Variants in LDB2 observed in about 807,000 individuals in gnomAD.
The protein encoded by LDB2 is LIM domain binding 2.
A neutral mutation model predicts 44.3 loss-of-function variants in LDB2; 12 were observed. The observed-to-expected ratio is 0.27, with a 90% CI of 0.17 to 0.44. The LOEUF is 0.44. LDB2 is among the 20% of genes least tolerant of loss of function. LDB2 has a pLI of 1.00. For missense variants in LDB2, 344 were observed against 473.5 expected, an observed-to-expected ratio of 0.73 and a Z score of 2.54; for synonymous variants, 164 against 174.8, an observed-to-expected ratio of 0.94 and a Z score of 0.49.
chr4:16,562,987 G>A lies in LDB2; in HGVS notation c.615+22935C>T, dbSNP rs1244538571. Among the ~76,000 whole-genome samples, 6 of 151,584 alleles carry A rather than the reference G, an allele frequency of 4.0e-5. No homozygotes were observed. In the East Asian group the frequency reaches 1.2e-3, roughly 30 times the overall value. On this transcript the variant is annotated intron_variant, in intron 5 of 7. Transcript: ENST00000304523. ...AAGGACAAAAAACCAAACACCGCAT[G>A]TTCTCACTCATAGGTGGGAATTGAA...
intron 2 of LDB2, among the ~76,000 whole-genome samples, chr4:16,687,501 G>T (rs1749552260): frequency 6.6e-6 from 1 of 152,116 alleles, no homozygotes; most frequent in Non-Finnish European, 1.5e-5. Flanking sequence ...TGTCGTTTAA[G>T]CCACCCAGTC....
At chr4:16,647,614 G>T (rs992222) in intron 2 of LDB2, among the ~76,000 whole-genome samples, 151,138 of 152,256 alleles carry the variant, frequency 0.99, 75,023 homozygotes, top group Middle Eastern at 1. Flanking sequence ...ACCCTACTTT[G>T]CCCCTCCTGA....
intron 1 of LDB2, among the ~76,000 whole-genome samples, chr4:16,891,028 G>A (rs1458099273): frequency 1.3e-5 from 2 of 152,126 alleles, no homozygotes; most frequent in Middle Eastern, 3.4e-3. Context: ...TACCTGAAAA[G>A]GGAGCCAATA....
intron 5 of LDB2, among the ~76,000 whole-genome samples, chr4:16,513,371 C>T (rs1206453993): frequency 6.6e-6 from 1 of 152,156 alleles, no homozygotes; most frequent in Non-Finnish European, 1.5e-5. Context: ...TCCATAGCAC[C>T]CAGCTCCTTC....
chr4:16,543,433 T>C (rs1477390520), intron 5 of LDB2, among the ~76,000 whole-genome samples: 1 of 152,248 alleles, frequency 6.6e-6, no homozygotes. Flanking sequence ...CTCCAGCACC[T>C]GTTGTTTCCT....
chr4:16,898,604 GAGGCAGGCAGGC>G lies in LDB2; in HGVS notation c.-131_-120del. 1 of 928,008 alleles carries G rather than the reference GAGGCAGGCAGGC, an allele frequency of 1.1e-6. No homozygotes were observed. The highest frequency in any genetic ancestry group is 1.5e-6 in the Non-Finnish European group (1 of 645,166). The allele number at this position is 928,008 out of a possible 1,614,324, so 57.5% of individuals were successfully genotyped here. A position where few individuals can be genotyped will look rare whatever the true frequency, so the allele number is the denominator to read the frequency against. ...ACGCACACACGCTCACACACACACA[GAGGCAGGCAGGC>G]AGGCAGGCTGAACACGCTGGCTGGG... On this transcript the variant is annotated 5_prime_UTR_variant, in exon 1 of 8. Coordinates refer to ENST00000304523, the MANE Select transcript of LDB2 (RefSeq NM_001290.5).
At chr4:16,723,235 T>G (rs1338368942) in intron 2 of LDB2, among the ~76,000 whole-genome samples, 1 of 152,124 alleles carries the variant, frequency 6.6e-6, no homozygotes, top group East Asian at 1.9e-4. Flanking sequence ...ACAGACTGGG[T>G]AATTAATAAA....
intron 2 of LDB2, among the ~76,000 whole-genome samples, chr4:16,735,903 T>C (rs1462823900): frequency 6.6e-6 from 1 of 152,184 alleles, no homozygotes; most frequent in African/African-American, 2.4e-5. Context: ...CAATGCAATG[T>C]GGTACCCTGG....
chr4:16,714,910 G>A (rs1756745938), intron 2 of LDB2, among the ~76,000 whole-genome samples: 1 of 152,056 alleles, frequency 6.6e-6, no homozygotes, highest in South Asian at 2.1e-4. Context: ...ATTTAGGACC[G>A]CCTTAAATCC....
chr4:16,508,378 C>G (rs1244166774), intron 7 of LDB2, among the ~76,000 whole-genome samples, 157 bp downstream of exon 7: 3 of 152,118 alleles, frequency 2.0e-5, no homozygotes, highest in African/African-American at 7.2e-5. Flanking sequence ...GTTCCTCCCT[C>G]CCATCCCAAC....
At chr4:16,758,738 A>C (rs1561126667) in intron 2 of LDB2, among the ~76,000 whole-genome samples, 1 of 152,240 alleles carries the variant, frequency 6.6e-6, no homozygotes, top group Non-Finnish European at 1.5e-5. Context: ...GATAATTGAT[A>C]AGAGGGGATT....
intron 5 of LDB2, among the ~76,000 whole-genome samples, chr4:16,519,333 T>C (rs1725066109): frequency 6.6e-6 from 1 of 151,798 alleles, no homozygotes; most frequent in Admixed American, 6.6e-5. Flanking sequence ...CCAGAACTAG[T>C]GATAAAGAAT....
intron 1 of LDB2, among the ~76,000 whole-genome samples, chr4:16,895,981 T>C (rs1724889510): frequency 6.6e-6 from 1 of 152,022 alleles, no homozygotes; most frequent in Non-Finnish European, 1.5e-5. Context: ...TAAAAACAAA[T>C]GTATGGCATT....
intron 1 of LDB2, among the ~76,000 whole-genome samples, chr4:16,814,523 A>G (rs1351929972): frequency 1.5e-5 from 2 of 133,012 alleles, no homozygotes; most frequent in African/African-American, 2.6e-5. Flanking sequence ...CTCCCTGCCC[A>G]TTATATGAGC....
intron 2 of LDB2, among the ~76,000 whole-genome samples, chr4:16,758,127 CTAGTA>C (rs1191994636): frequency 6.6e-6 from 1 of 152,148 alleles, no homozygotes; most frequent in African/African-American, 2.4e-5. Context: ...ATTGATTCTA[CTAGTA>C]TAGTTGCTAA....
At position 16,502,693 on chromosome 4, in the gene LDB2, C is replaced by T. The variant is rs768789036; in HGVS notation, c.1072G>A (p.Ala358Thr). The change falls in exon 8 of 8, where the codon GCC becomes ACC. Residue 358 changes from alanine to threonine, a missense_variant. Ala to Thr is a moderately conservative substitution (Grantham distance 58). Around this residue, in one of 3 missense-constraint regions of LDB2, gnomAD observed 32 missense variants for 32.3 expected, o/e 0.99. Coordinates refer to ENST00000304523, the MANE Select transcript of LDB2 (RefSeq NM_001290.5). ...TTTTCTGATTTGGTCTCTTGAGTGG[C>T]GGGAGGTTTACTGTTCCACGGGCTG... Reference protein sequence around the residue: ...NNSPWNSKPPATQETKSENPP... With the variant: ...NNSPWNSKPPTTQETKSENPP... The T allele has an allele frequency of 9.3e-6, 15 of 1,613,796 alleles. No homozygotes were observed. Among genetic ancestry groups the T allele is most frequent in the East Asian group, 2.2e-5 (1 of 44,870 alleles).
chr4:16,890,748 G>C (rs1490390480), intron 1 of LDB2, among the ~76,000 whole-genome samples: 4 of 152,184 alleles, frequency 2.6e-5, no homozygotes, highest in Non-Finnish European at 5.9e-5. Flanking sequence ...TGCATCTCAG[G>C]CTTTGGGGGT....
At chr4:16,583,827 A>G (rs1249072818) in intron 5 of LDB2, among the ~76,000 whole-genome samples, 2 of 152,180 alleles carry the variant, frequency 1.3e-5, no homozygotes, top group African/African-American at 4.8e-5. Flanking sequence ...TCCCTGGGCT[A>G]TCTCTGGCTT....
chr4:16,809,915 ATAAC>A (rs1376954733), intron 1 of LDB2, among the ~76,000 whole-genome samples: 2 of 152,226 alleles, frequency 1.3e-5, no homozygotes, highest in African/African-American at 4.8e-5. Context: ...TCGGCGGTAA[ATAAC>A]TAACAAGTAC....
Sources: gnomAD v4.1 joint callset for allele counts (sites outside exome capture counted in the v4.1 genomes callset) on GRCh38, gnomAD v4.1.1 for gene constraint, gnomAD v4.1.1 regional missense constraint, MANE v1.5 for transcripts, NCBI Gene and HGNC (gene_info 2026-07-23, HGNC 2026-07-21) for gene names.